The following ELAVL2 variants were observed in gnomAD, a reference collection of about 807,000 sequenced individuals.
ELAVL2 encodes the protein ELAV-like protein 2.
Under a neutral mutation model 34.6 loss-of-function variants are expected in ELAVL2, and 4 were observed. The observed-to-expected ratio is 0.12, with a 90% CI of 0.06 to 0.26. The LOEUF is 0.26. Among genes scored for constraint, ELAVL2 ranks in the 10% least tolerant of loss-of-function variants. The pLI is 1.00. For synonymous variants in ELAVL2, 193 were observed against 154.8 expected, an observed-to-expected ratio of 1.25 and a Z score of -1.83; for missense variants, 432 against 442.8, an observed-to-expected ratio of 0.98 and a Z score of 0.22.
At chr9:23,781,601 G>C (rs552578291) in intron 1 of ELAVL2, among the ~76,000 whole-genome samples, 2 of 149,330 alleles carry the variant, frequency 1.3e-5, no homozygotes, top group South Asian at 4.2e-4. Flanking sequence ...GCTCACTGCA[G>C]CCTCCTGGGC....
At chr9:23,828,429 C>A (rs2065396461), upstream of ELAVL2, among the ~76,000 whole-genome samples, 1 of 151,786 alleles carries the variant, frequency 6.6e-6, no homozygotes, top group Admixed American at 6.6e-5. Context: ...ATGTTTATAT[C>A]CACAAAAAAA....
At chr9:23,774,235 A>AAAAAAAAAAAAAAAG (rs59791462) in intron 1 of ELAVL2, among the ~76,000 whole-genome samples, 1 of 132,316 alleles carries the variant, frequency 7.6e-6, no homozygotes, top group African/African-American at 3.2e-5. Context: ...AAAAAAAAAA[A>AAAAAAAAAAAAAAAG]AAAGAAAGAA....
chr9:23,716,506 T>C (rs183459076), intron 3 of ELAVL2, among the ~76,000 whole-genome samples: 4 of 152,164 alleles, frequency 2.6e-5, no homozygotes, highest in South Asian at 2.1e-4. Context: ...CCTCCAAGAA[T>C]CTCAACTTTT....
intron 2 of ELAVL2, among the ~76,000 whole-genome samples, chr9:23,754,432 A>C (rs1282384371): frequency 1.3e-5 from 2 of 151,788 alleles, no homozygotes; most frequent in Admixed American, 6.6e-5. Flanking sequence ...AAAATATTCC[A>C]CTTTGGCATT....
chr9:23,734,807 G>C (rs147521463), intron 2 of ELAVL2, among the ~76,000 whole-genome samples: 1,958 of 151,786 alleles, frequency 0.013, 26 homozygotes, highest in Non-Finnish European at 0.017. Flanking sequence ...AAAAGCAGTA[G>C]CAAGGCAAAC....
the ELAVL2 span, among the ~76,000 whole-genome samples, chr9:23,843,308 G>A: frequency 2.0e-5 from 3 of 152,010 alleles, no homozygotes; most frequent in East Asian, 3.9e-4. Flanking sequence ...ATAAAAAATT[G>A]TTGCCAGGAG....
At chr9:23,722,067 A>G (rs1356082881) in intron 3 of ELAVL2, among the ~76,000 whole-genome samples, 1 of 152,212 alleles carries the variant, frequency 6.6e-6, no homozygotes, top group Admixed American at 6.5e-5. Flanking sequence ...ACTTCTGGAA[A>G]TAAAACATCC....
At chr9:23,712,765 A>G (rs2041316595) in intron 3 of ELAVL2, among the ~76,000 whole-genome samples, 2 of 152,202 alleles carry the variant, frequency 1.3e-5, no homozygotes. Flanking sequence ...ACATCATTAA[A>G]TATTAGTCAA....
intron 1 of ELAVL2, among the ~76,000 whole-genome samples, chr9:23,764,502 A>G (rs530673420): frequency 6.6e-6 from 1 of 152,286 alleles, no homozygotes; most frequent in African/African-American, 2.4e-5. Context: ...ATATTTTACA[A>G]ATAATGCATA....
intron 3 of ELAVL2, among the ~76,000 whole-genome samples, chr9:23,717,185 A>G (rs2042533646): frequency 6.6e-6 from 1 of 152,220 alleles, no homozygotes; most frequent in Non-Finnish European, 1.5e-5. Flanking sequence ...TCTTTGACCT[A>G]CTTCATATAG....
rs2057274327 is a variant in ELAVL2, at chr9:23,771,363, GA to G, written c.-15-9115del. ...GCTCTGGACACTAAGAACACAAGATGAATAAGCAAAGGAAGAGATTTTATGG... is the reference window on the plus strand; with the variant it reads ...GCTCTGGACACTAAGAACACAAGATGATAAGCAAAGGAAGAGATTTTATGG... On this transcript the variant is annotated intron_variant, in intron 1 of 6. Coordinates refer to ENST00000397312, the MANE Select transcript of ELAVL2 (RefSeq NM_004432.5). Among the ~76,000 whole-genome samples the G allele has an allele frequency of 2.0e-5, 3 of 151,908 alleles. No individual in the cohort carries two copies. In the South Asian group the frequency reaches 6.2e-4, roughly 32 times the overall value.
intron 2 of ELAVL2, among the ~76,000 whole-genome samples, chr9:23,738,512 A>G (rs2048408323): frequency 6.6e-6 from 1 of 152,134 alleles, no homozygotes; most frequent in Non-Finnish European, 1.5e-5. Flanking sequence ...GAGCATTTCT[A>G]CCAGCTTCCC....
At chr9:23,747,510 C>T (rs908449628) in intron 2 of ELAVL2, among the ~76,000 whole-genome samples, 2 of 152,112 alleles carry the variant, frequency 1.3e-5, no homozygotes, top group Non-Finnish European at 2.9e-5. Context: ...CTCCAGCACA[C>T]CCAAAGCTCA....
chr9:23,748,704 A>T (rs2051134627), intron 2 of ELAVL2, among the ~76,000 whole-genome samples: 1 of 152,124 alleles, frequency 6.6e-6, no homozygotes, highest in African/African-American at 2.4e-5. Context: ...TTTTACGGGG[A>T]ATGTGGCATG....
chr9:23,704,797 T>C (rs2133339127), intron 4 of ELAVL2, 121 bp downstream of exon 4: 2 of 1,289,964 alleles, frequency 1.6e-6, no homozygotes, highest in East Asian at 2.3e-5. Context: ...AATTGCATTT[T>C]CTGGCCCACA....
intron 1 of ELAVL2, among the ~76,000 whole-genome samples, chr9:23,800,045 C>T (rs954860528): frequency 1.3e-5 from 2 of 152,106 alleles, no homozygotes; most frequent in East Asian, 1.9e-4. Flanking sequence ...AAACAAAAGC[C>T]TTAAAGTCCA....
intron 2 of ELAVL2, 23 bp from the exon 3 acceptor site, chr9:23,731,148 A>G (rs747060826): frequency 6.2e-7 from 1 of 1,602,468 alleles, no homozygotes; most frequent in Non-Finnish European, 8.5e-7. Flanking sequence ...AAGGGGAAAA[A>G]GGCATATATT....
intron 1 of ELAVL2, among the ~76,000 whole-genome samples, chr9:23,820,126 C>T (rs998201953): frequency 6.6e-6 from 1 of 150,728 alleles, no homozygotes; most frequent in African/African-American, 2.4e-5. Context: ...ATGGGAAATT[C>T]AAGCGACTCT....
chr9:23,716,265 A>C (rs563834630), intron 3 of ELAVL2, among the ~76,000 whole-genome samples: 1 of 151,926 alleles, frequency 6.6e-6, no homozygotes, highest in Admixed American at 6.6e-5. Flanking sequence ...GTATACATAT[A>C]TAACAAACCT....
Sources: allele counts gnomAD v4.1 joint callset (sites outside exome capture counted in the v4.1 genomes callset), GRCh38; gene constraint gnomAD v4.1.1; transcripts MANE v1.5; gene names NCBI Gene and HGNC (gene_info 2026-07-23, HGNC 2026-07-21).